Variants in GPR89A observed in about 807,000 individuals in gnomAD.
GPR89A encodes the protein golgi pH regulator A, also known as G protein-coupled receptor 89A.
Under a neutral mutation model 52.0 loss-of-function variants are expected in GPR89A, and 16 were observed. The observed-to-expected ratio is 0.31, with a 90% CI of 0.21 to 0.47. GPR89A has a LOEUF of 0.47. Among genes scored for constraint, GPR89A ranks in the 20% least tolerant of loss-of-function variants. GPR89A has a pLI of 1.00. For missense variants in GPR89A, 135 were observed against 449.4 expected (o/e 0.30, Z 6.33); for synonymous variants, 55 against 150.9 (o/e 0.36, Z 4.66).
intron 1 of GPR89A, among the ~76,000 whole-genome samples, chr1:145,611,160 T>TTG (rs373604657): frequency 0.039 from 5,822 of 149,512 alleles, 135 homozygotes; most frequent in East Asian, 0.055. Context: ...CTCCAGCTAC[T>TTG]TGTGTGTGTG....
At position 145,658,533 on chromosome 1, in the gene GPR89A, G is replaced by T. The variant is rs587757101; in HGVS notation, c.910-4796G>T. On this transcript the variant is annotated intron_variant, in intron 10 of 13. Coordinates refer to ENST00000313835, the MANE Select transcript of GPR89A (RefSeq NM_001097612.2). ...CCCCAGCTACTCGGGAGGCTGAGGC[G>T]GGGGAGGATCGCTTGAGCCTGGGAA... Among the ~76,000 whole-genome samples the T allele has an allele frequency of 8.7e-5, 13 of 149,656 alleles. No individual in the cohort carries two copies. In the South Asian group the frequency reaches 2.6e-3, roughly 30 times the overall value.
chr1:145,648,636 C>A (rs1251982974), intron 10 of GPR89A, among the ~76,000 whole-genome samples: 1 of 151,638 alleles, frequency 6.6e-6, no homozygotes, highest in Non-Finnish European at 1.5e-5. Context: ...CGCACCACCA[C>A]GCCCAGCTAA....
chr1:145,648,515 TGTC>T (rs1651201273), intron 10 of GPR89A, among the ~76,000 whole-genome samples: 2 of 151,524 alleles, frequency 1.3e-5, no homozygotes, highest in African/African-American at 4.9e-5. Context: ...AGTCTCATTC[TGTC>T]ACCCAAGCTG....
chr1:145,624,517 T>TAA (rs1434067348), intron 5 of GPR89A, among the ~76,000 whole-genome samples: 3 of 150,252 alleles, frequency 2.0e-5, no homozygotes, highest in Non-Finnish European at 4.4e-5. Context: ...TAAAAAAATC[T>TAA]ATATATATAT....
At chr1:145,615,396 C>G (rs1358667712) in intron 1 of GPR89A, among the ~76,000 whole-genome samples, 3 of 151,194 alleles carry the variant, frequency 2.0e-5, no homozygotes, top group Non-Finnish European at 4.4e-5. Context: ...CAGGCTGGAG[C>G]GCAGTGGTGC....
At chr1:145,646,446 C>G in intron 9 of GPR89A, 174 bp downstream of exon 9, 1 of 546,538 alleles carries the variant, frequency 1.8e-6, no homozygotes, top group Non-Finnish European at 3.2e-6. Context: ...TTGCTCCTGT[C>G]ACTAGCAAAA....
chr1:145,635,883 C>T (rs1229815186), intron 7 of GPR89A, among the ~76,000 whole-genome samples: 4 of 151,890 alleles, frequency 2.6e-5, no homozygotes, highest in South Asian at 2.1e-4. Context: ...CGCTTGAACC[C>T]GGGAGGCAGA....
At chr1:145,620,760 G>A (rs1649083894) in intron 3 of GPR89A, among the ~76,000 whole-genome samples, 1 of 151,834 alleles carries the variant, frequency 6.6e-6, no homozygotes, top group Admixed American at 6.6e-5. Context: ...TCACCTTTGA[G>A]CAGAGATCAT....
chr1:145,608,971 A>G (rs1304095877), intron 1 of GPR89A, among the ~76,000 whole-genome samples: 3 of 151,932 alleles, frequency 2.0e-5, no homozygotes, highest in Non-Finnish European at 2.9e-5. Context: ...TCATCATAGC[A>G]CTGGCATCAT....
intron 2 of GPR89A, among the ~76,000 whole-genome samples, chr1:145,617,837 T>A (rs1337379450): frequency 6.6e-6 from 1 of 152,134 alleles, no homozygotes; most frequent in Non-Finnish European, 1.5e-5. Flanking sequence ...TACATTTGGG[T>A]CATTTCTAGG....
intron 10 of GPR89A, among the ~76,000 whole-genome samples, chr1:145,654,502 G>A (rs1651675472): frequency 1.5e-5 from 2 of 135,002 alleles, no homozygotes; most frequent in South Asian, 2.3e-4. Flanking sequence ...GCAGTGAGCC[G>A]AGACTATGCC....
chr1:145,635,177 C>T (rs1279705660), intron 7 of GPR89A, among the ~76,000 whole-genome samples: 4 of 152,120 alleles, frequency 2.6e-5, no homozygotes, highest in African/African-American at 4.8e-5. Context: ...GAGGCCGAGT[C>T]GGGCAGATCA....
chr1:145,642,610 G>A (rs1650727888), intron 7 of GPR89A, among the ~76,000 whole-genome samples: 1 of 152,180 alleles, frequency 6.6e-6, no homozygotes, highest in Non-Finnish European at 1.5e-5. Context: ...AATATCATTT[G>A]ATCTTTGGTA....
intron 10 of GPR89A, among the ~76,000 whole-genome samples, chr1:145,659,153 T>C (rs1475727440): frequency 6.6e-6 from 1 of 152,026 alleles, no homozygotes; most frequent in Non-Finnish European, 1.5e-5. Flanking sequence ...TGCCGTGTCA[T>C]ATGCTAAGTA....
intron 5 of GPR89A, among the ~76,000 whole-genome samples, chr1:145,626,788 A>G (rs587719955): frequency 2.0e-5 from 3 of 151,982 alleles, no homozygotes; most frequent in Non-Finnish European, 4.4e-5. Context: ...CATCTGTACT[A>G]AAAATAGAAA....
At chr1:145,629,046 A>G (rs1329657218) in intron 5 of GPR89A, among the ~76,000 whole-genome samples, 1 of 152,236 alleles carries the variant, frequency 6.6e-6, no homozygotes, top group African/African-American at 2.4e-5. Flanking sequence ...TACAATCAAA[A>G]GTATGGTGAC....
rs782085423 is a variant in GPR89A, at chr1:145,663,425, G to A, written c.1005+1G>A. ...GAATTATCTGGGAATCCAATTTGAT[G>A]TAAGTGTTATATCAAGATCCTGGTT... is the stretch of plus-strand genomic sequence containing the variant. On this transcript the variant is annotated splice_donor_variant, in intron 11 of 13. Transcript: ENST00000313835. LOFTEE classifies it high-confidence loss of function. 4.5e-5 allele frequency: 73 copies of A among 1,610,102 alleles called. No homozygotes were observed. The South Asian group carries it at 5.4e-4, about 12-fold the overall frequency.
chr1:145,649,873 T>C (rs1454125679), intron 10 of GPR89A, among the ~76,000 whole-genome samples: 8 of 152,136 alleles, frequency 5.3e-5, no homozygotes, highest in Non-Finnish European at 4.4e-5. Flanking sequence ...GCATTGTGGT[T>C]TTAATTTATA....
intron 10 of GPR89A, among the ~76,000 whole-genome samples, chr1:145,649,191 T>C (rs1553693149): frequency 6.6e-6 from 1 of 151,722 alleles, no homozygotes; most frequent in Admixed American, 6.6e-5. Context: ...CGTTTTGACA[T>C]ACATATATAC....
Sources: gnomAD v4.1 joint callset for allele counts (sites outside exome capture counted in the v4.1 genomes callset) on GRCh38, gnomAD v4.1.1 for gene constraint, MANE v1.5 for transcripts, NCBI Gene and HGNC (gene_info 2026-07-23, HGNC 2026-07-21) for gene names.